LRRC4C: variants seen among roughly 807,000 people sequenced by gnomAD.
LRRC4C encodes the protein leucine rich repeat containing 4C.
A neutral mutation model predicts 33.6 loss-of-function variants in LRRC4C; 5 were observed. The observed-to-expected ratio is 0.15, with a 90% confidence interval of 0.08 to 0.31. The LOEUF (loss-of-function observed/expected upper bound fraction) is 0.31, where lower values mean the gene tolerates loss of function less well. LRRC4C is among the 10% of genes least tolerant of loss of function. The pLI is 1.00. For synonymous variants in LRRC4C, 329 were observed against 302.0 expected (o/e 1.09, Z -0.93); for missense variants, 560 against 796.7 (o/e 0.70, Z 3.58).
intron 1 of LRRC4C, among the ~76,000 whole-genome samples, chr11:41,148,105 G>A (rs1446679758): frequency 5.9e-5 from 9 of 151,880 alleles, no homozygotes; most frequent in South Asian, 2.1e-4. Flanking sequence ...TGTAACCTCC[G>A]CCTCCCAGGT....
chr11:40,845,195 G>A (rs542867757), intron 2 of LRRC4C, among the ~76,000 whole-genome samples: 3 of 151,420 alleles, frequency 2.0e-5, no homozygotes, highest in Non-Finnish European at 2.9e-5. Context: ...TGACATACAT[G>A]TGCAGAATGT....
intron 3 of LRRC4C, among the ~76,000 whole-genome samples, chr11:40,518,552 A>T (rs150305962): frequency 0.04 from 6,155 of 152,306 alleles, 356 homozygotes; most frequent in African/African-American, 0.13. Flanking sequence ...CCACAATGAG[A>T]TACCATCTCA....
intron 1 of LRRC4C, among the ~76,000 whole-genome samples, chr11:41,140,038 C>T (rs779827767): frequency 6.6e-6 from 1 of 152,120 alleles, no homozygotes; most frequent in Non-Finnish European, 1.5e-5. Flanking sequence ...GTCCCGGTTT[C>T]AAAACAAAGT....
chr11:40,382,270 T>C (rs1333038947), intron 3 of LRRC4C, among the ~76,000 whole-genome samples: 3 of 150,838 alleles, frequency 2.0e-5, no homozygotes, highest in African/African-American at 7.3e-5. Context: ...GCGTGAGCCA[T>C]CGCGCCCAGC....
At chr11:40,775,760 CT>C (rs1488631790) in intron 2 of LRRC4C, among the ~76,000 whole-genome samples, 2 of 152,106 alleles carry the variant, frequency 1.3e-5, no homozygotes, top group African/African-American at 4.8e-5. Context: ...ATTTGGATGT[CT>C]TTTGTTTCTT....
chr11:40,864,442 T>G (rs1168438550), intron 2 of LRRC4C, among the ~76,000 whole-genome samples: 1 of 152,200 alleles, frequency 6.6e-6, no homozygotes, highest in Non-Finnish European at 1.5e-5. Context: ...CCTTACATAC[T>G]ACACTTGTCA....
intron 1 of LRRC4C, among the ~76,000 whole-genome samples, chr11:40,989,374 G>C (rs991743426): frequency 6.6e-6 from 1 of 152,058 alleles, no homozygotes; most frequent in Non-Finnish European, 1.5e-5. Context: ...TGCAAATGCT[G>C]TTCTCGTTTT....
At position 41,227,300 on chromosome 11, in the gene LRRC4C, C is replaced by T. The variant is rs185607911; in HGVS notation, c.-496+232131G>A. On this transcript the variant is annotated intron_variant, in intron 1 of 6. Coordinates refer to ENST00000528697, the MANE Select transcript of LRRC4C (RefSeq NM_001258419.2). ...TTATATACATTTAAGATCAAGCAGA[C>T]GGAACCTAAAGAAATGGAATCTTTA... Among the ~76,000 whole-genome samples, 435 of 151,746 alleles carry T rather than the reference C, an allele frequency of 2.9e-3. 2 individuals are homozygous for T. The highest frequency in any genetic ancestry group is 1.0e-2 in the African/African-American group (412 of 41,368).
At chr11:40,434,945 C>A (rs1431231293) in intron 3 of LRRC4C, among the ~76,000 whole-genome samples, 1 of 152,082 alleles carries the variant, frequency 6.6e-6, no homozygotes. Context: ...GCCTTAGGAG[C>A]TTTATTAGTT....
At chr11:40,209,418 G>A (rs767649438) in intron 5 of LRRC4C, among the ~76,000 whole-genome samples, 1 of 152,114 alleles carries the variant, frequency 6.6e-6, no homozygotes, top group South Asian at 2.1e-4. Context: ...AAAGGCTAAA[G>A]GCTTTCCTTG....
In LRRC4C at chr11:40,640,111, G is replaced by A. The variant is rs539868526; in HGVS notation, c.-270+8031C>T. On this transcript the variant is annotated intron_variant, in intron 3 of 6. Coordinates refer to ENST00000528697, the MANE Select transcript of LRRC4C (RefSeq NM_001258419.2). The stretch of plus-strand genomic sequence containing the variant: ...AGCTTAGAAAAACTGGGTAAATCGT[G>A]TATCACACAGTCAGAAAAACTGTGA... Among the ~76,000 whole-genome samples the A allele has an allele frequency of 2.6e-5, 4 of 152,242 alleles. No individual in the cohort carries two copies. The South Asian group carries it at 8.3e-4, about 32-fold the overall frequency.
intron 2 of LRRC4C, among the ~76,000 whole-genome samples, chr11:40,924,340 G>A (rs1389053828): frequency 6.6e-6 from 1 of 151,902 alleles, no homozygotes; most frequent in Non-Finnish European, 1.5e-5. Flanking sequence ...AACCTGATAG[G>A]CCTTACATGC....
chr11:40,974,845 C>A (rs997051964), intron 1 of LRRC4C, among the ~76,000 whole-genome samples: 5 of 152,182 alleles, frequency 3.3e-5, no homozygotes, highest in Non-Finnish European at 7.4e-5. Flanking sequence ...ACACTCTACT[C>A]CTCCTGTTCT....
At chr11:40,903,754 G>A (rs1956304874) in intron 2 of LRRC4C, among the ~76,000 whole-genome samples, 1 of 152,120 alleles carries the variant, frequency 6.6e-6, no homozygotes. Context: ...TTGCAACAGG[G>A]TAACTGGAAT....
At chr11:40,990,831 C>G (rs924025050) in intron 1 of LRRC4C, among the ~76,000 whole-genome samples, 24 of 151,868 alleles carry the variant, frequency 1.6e-4, no homozygotes, top group Admixed American at 1.6e-3. Flanking sequence ...AAAGTTTGAC[C>G]TTTGAATATA....
chr11:40,469,069 G>A (rs536759572), intron 3 of LRRC4C, among the ~76,000 whole-genome samples: 1 of 152,324 alleles, frequency 6.6e-6, no homozygotes, highest in South Asian at 2.1e-4. Context: ...GTGTACTGGG[G>A]AAAAAGGGAG....
intron 3 of LRRC4C, among the ~76,000 whole-genome samples, chr11:40,559,849 G>C (rs1430614832): frequency 6.6e-6 from 1 of 151,912 alleles, no homozygotes; most frequent in Non-Finnish European, 1.5e-5. Flanking sequence ...TCACATGCTT[G>C]TTGGCCACAA....
intron 3 of LRRC4C, among the ~76,000 whole-genome samples, chr11:40,401,798 A>G (rs754849215): frequency 2.6e-5 from 4 of 152,142 alleles, no homozygotes; most frequent in Non-Finnish European, 5.9e-5. Flanking sequence ...ATAAATTCAC[A>G]ATCTGATACT....
At chr11:40,650,596 C>T (rs958794721) in intron 2 of LRRC4C, among the ~76,000 whole-genome samples, 9 of 152,264 alleles carry the variant, frequency 5.9e-5, no homozygotes, top group Admixed American at 5.2e-4. Context: ...GATTGTCAAA[C>T]CCAAATTGTT....
Sources: gnomAD v4.1 joint callset for allele counts (sites outside exome capture counted in the v4.1 genomes callset) on GRCh38, gnomAD v4.1.1 for gene constraint, MANE v1.5 for transcripts, NCBI Gene and HGNC (gene_info 2026-07-23, HGNC 2026-07-21) for gene names.